CUX2: variants seen among roughly 807,000 people sequenced by gnomAD.
CUX2 encodes cut like homeobox 2.
In CUX2, 40 loss-of-function variants were observed where a neutral mutation model predicts 144.8. The observed-to-expected ratio is 0.28, with a 90% CI of 0.21 to 0.36. The LOEUF is 0.36. CUX2 is among the 10% of genes least tolerant of loss of function. The pLI is 1.00. For missense variants in CUX2, 1,615 were observed against 1,994.0 expected (o/e 0.81, Z 3.62); for synonymous variants, 827 against 875.6 (o/e 0.94, Z 0.98).
intron 1 of CUX2, among the ~76,000 whole-genome samples, chr12:111,200,645 T>C (rs1455913855): frequency 6.6e-6 from 1 of 152,078 alleles, no homozygotes; most frequent in East Asian, 1.9e-4. Flanking sequence ...GGAGGTGTCG[T>C]CACTTGGCTC....
intron 1 of CUX2, among the ~76,000 whole-genome samples, chr12:111,110,810 C>G (rs1566228280): frequency 6.6e-6 from 1 of 152,134 alleles, no homozygotes; most frequent in Non-Finnish European, 1.5e-5. Context: ...TTGTGTTCAC[C>G]AGGATAACTG....
Position 111,295,751 on chromosome 12 carries a change from C to CTAATTAAT in CUX2, c.637+364_637+371dup, listed in dbSNP as rs34368745. On this transcript the variant is annotated intron_variant, in intron 7 of 21. Transcript: ENST00000261726. This position sits in a 1 kb window ranked among gnomAD's most constrained non-coding sequence, Gnocchi z 5.0. ...TGGGCAACATGGCAAGACCCTGTCT[C>CTAATTAAT]TAATTAATTAATTAATTAATTAATT... Among the ~76,000 whole-genome samples the CTAATTAAT allele has an allele frequency of 9.2e-4, 136 of 147,338 alleles. 1 individual carries two copies. The highest frequency in any genetic ancestry group is 2.0e-3 in the East Asian group (7 of 3,548).
At chr12:111,080,066 T>G (rs1871787512) in intron 1 of CUX2, among the ~76,000 whole-genome samples, 1 of 152,226 alleles carries the variant, frequency 6.6e-6, no homozygotes, top group Admixed American at 6.5e-5. Flanking sequence ...AAAACGGGGA[T>G]GATGATAATA....
chr12:111,285,173 A>G (rs1885316154), intron 4 of CUX2, among the ~76,000 whole-genome samples: 1 of 152,114 alleles, frequency 6.6e-6, no homozygotes, highest in Non-Finnish European at 1.5e-5. Flanking sequence ...CACTCATCAC[A>G]TGTATCCATC....
intron 8 of CUX2, among the ~76,000 whole-genome samples, chr12:111,296,861 A>G (rs1490105272): frequency 3.7e-4 from 22 of 59,036 alleles, no homozygotes; most frequent in East Asian, 3.6e-3. Context: ...CCCTCTGGCC[A>G]TCCCAGACAC....
intron 3 of CUX2, among the ~76,000 whole-genome samples, chr12:111,236,830 TTG>T (rs545350159): frequency 1.2e-3 from 176 of 152,372 alleles, no homozygotes; most frequent in African/African-American, 3.9e-3. Flanking sequence ...TCAAAAATAA[TTG>T]TCTGAGAAAT....
chr12:111,346,475 C>CAA (rs1012828428), intron 21 of CUX2, among the ~76,000 whole-genome samples: 4 of 87,520 alleles, frequency 4.6e-5, no homozygotes, highest in Non-Finnish European at 9.5e-5. Flanking sequence ...GACTCCATCT[C>CAA]AAAAAAAAAA....
intron 4 of CUX2, among the ~76,000 whole-genome samples, chr12:111,276,124 G>A (rs1292140361): frequency 4.6e-5 from 7 of 152,206 alleles, no homozygotes; most frequent in African/African-American, 1.4e-4. Flanking sequence ...AGGCTGAGGC[G>A]GGAGGATTGC....
intron 1 of CUX2, among the ~76,000 whole-genome samples, chr12:111,081,138 T>C (rs1408498241): frequency 1.3e-5 from 2 of 152,168 alleles, no homozygotes; most frequent in Non-Finnish European, 2.9e-5. Context: ...CCGTTTCCGA[T>C]TGACTGCTGC....
rs1189059434 is a variant in CUX2 at position 111,320,319 on chromosome 12, C to T, written c.2310C>T (p.Ser770=). 6.3e-7 allele frequency: 1 copy of T among 1,598,116 alleles called. No individual in the cohort carries two copies. Residue 770 remains serine, a synonymous_variant, in exon 17 of 22, where the codon AGC becomes AGT. Transcript: ENST00000261726. This position sits in a 1 kb window ranked among gnomAD's most constrained non-coding sequence, Gnocchi z 8.1. ...PVLSPAAFVQ[S]IIRKVKSEIG... Reference sequence around the variant, plus strand: ...TGTCCCCCGCCGCCTTCGTGCAGAGCATCATCCGCAAGGTCAAGTCCGAGA... The same window carrying T: ...TGTCCCCCGCCGCCTTCGTGCAGAGTATCATCCGCAAGGTCAAGTCCGAGA...
chr12:111,060,531 T>C lies in CUX2; in HGVS notation c.63+26291T>C, dbSNP rs536194782. On this transcript the variant is annotated intron_variant, in intron 1 of 21. Coordinates refer to ENST00000261726, the MANE Select transcript of CUX2 (RefSeq NM_015267.4). Reference sequence around the variant, plus strand: ...GACCCATGAGGGCAGCATTTGTATCTGTCTTCTTGACTCTTGTCACAAGCA... The same window carrying C: ...GACCCATGAGGGCAGCATTTGTATCCGTCTTCTTGACTCTTGTCACAAGCA... Among the ~76,000 whole-genome samples the C allele has an allele frequency of 4.6e-5, 7 of 152,366 alleles. No homozygotes were observed. The East Asian group carries it at 1.4e-3, about 29-fold the overall frequency.
At chr12:111,095,282 A>T (rs544655869) in intron 1 of CUX2, among the ~76,000 whole-genome samples, 1 of 152,002 alleles carries the variant, frequency 6.6e-6, no homozygotes, top group African/African-American at 2.4e-5. Flanking sequence ...AACATGGTAA[A>T]ACCCCATCTC....
intron 1 of CUX2, among the ~76,000 whole-genome samples, chr12:111,048,201 C>A (rs577474660): frequency 1.3e-5 from 2 of 152,142 alleles, no homozygotes; most frequent in African/African-American, 4.8e-5. Flanking sequence ...GAAACGAGAT[C>A]CAATTTATGT....
intron 2 of CUX2, 42 bp downstream of exon 2, chr12:111,214,352 G>A (rs749413006): frequency 2.6e-6 from 3 of 1,173,640 alleles, no homozygotes; most frequent in Non-Finnish European, 3.8e-6. Flanking sequence ...CAGTAGGAAT[G>A]CAGATTTCTC....
intron 2 of CUX2, 80 bp downstream of exon 2, chr12:111,214,390 T>G: frequency 1.3e-6 from 1 of 785,764 alleles, no homozygotes; most frequent in Non-Finnish European, 2.0e-6. Context: ...TTGAAAACTG[T>G]AGATGCAAGT....
chr12:111,201,844 G>C (rs950595687), intron 1 of CUX2, among the ~76,000 whole-genome samples: 2 of 152,232 alleles, frequency 1.3e-5, no homozygotes, highest in African/African-American at 4.8e-5. Flanking sequence ...ACTTCAGAGA[G>C]GATGCAGTGG....
At chr12:111,250,572 A>G (rs1565872824) in intron 3 of CUX2, among the ~76,000 whole-genome samples, 1 of 152,226 alleles carries the variant, frequency 6.6e-6, no homozygotes, top group Non-Finnish European at 1.5e-5. Flanking sequence ...TGGCAAAACG[A>G]GCCTGGCCTT....
At chr12:111,093,258 A>C (rs1872639371) in intron 1 of CUX2, among the ~76,000 whole-genome samples, 2 of 152,144 alleles carry the variant, frequency 1.3e-5, no homozygotes, top group South Asian at 4.2e-4. Flanking sequence ...GGAAAATGAC[A>C]CCTGTTTCAG....
chr12:111,055,570 T>G (rs1870479428), intron 1 of CUX2, among the ~76,000 whole-genome samples: 2 of 152,256 alleles, frequency 1.3e-5, no homozygotes, highest in African/African-American at 4.8e-5. Context: ...TGAGGCCTGC[T>G]GAGGCCGTCT....
Sources: allele counts gnomAD v4.1 joint callset (sites outside exome capture counted in the v4.1 genomes callset), GRCh38; gene constraint gnomAD v4.1.1; non-coding constraint Gnocchi (gnomAD v3.1); transcripts MANE v1.5; gene names NCBI Gene and HGNC (gene_info 2026-07-23, HGNC 2026-07-21).